KCTD16: variants seen among roughly 807,000 people sequenced by gnomAD.
KCTD16 encodes potassium channel tetramerization domain containing 16.
A neutral mutation model predicts 33.2 loss-of-function variants in KCTD16; 13 were observed. That is an observed-to-expected ratio of 0.39 (90% CI 0.25 to 0.62). The LOEUF (loss-of-function observed/expected upper bound fraction) is 0.62. Among genes scored for constraint, KCTD16 ranks in the 20% least tolerant of loss-of-function variants. The pLI is 0.50. For synonymous variants in KCTD16, 197 were observed against 195.3 expected, an observed-to-expected ratio of 1.01 and a Z score of -0.07; for missense variants, 441 against 525.1, an observed-to-expected ratio of 0.84 and a Z score of 1.57.
At chr5:144,232,062 A>G (rs1292285075) in intron 3 of KCTD16, among the ~76,000 whole-genome samples, 3 of 152,136 alleles carry the variant, frequency 2.0e-5, no homozygotes, top group Admixed American at 2.0e-4. Flanking sequence ...ATTCTATAAT[A>G]TACCTTTGCC....
intron 3 of KCTD16, among the ~76,000 whole-genome samples, chr5:144,389,264 G>A (rs1234899325): frequency 6.6e-6 from 1 of 152,158 alleles, no homozygotes; most frequent in Admixed American, 6.5e-5. Flanking sequence ...TAGGAACTGG[G>A]CCACACAGCA....
rs913978229 is a variant in KCTD16, at chr5:144,450,942, C to T, written c.833-22718C>T. Among the ~76,000 whole-genome samples, 8 of 151,774 alleles carry T rather than the reference C, an allele frequency of 5.3e-5. No individual in the cohort carries two copies. In the East Asian group the frequency reaches 1.6e-3, roughly 30 times the overall value. ...AAACATTTGTTAAGGGGGTAGATCTCATGTTAAGTATTTTTATTGCAAAAA... is the reference window on the plus strand; with the variant it reads ...AAACATTTGTTAAGGGGGTAGATCTTATGTTAAGTATTTTTATTGCAAAAA... On this transcript the variant is annotated intron_variant, in intron 3 of 3. Transcript: ENST00000512467.
Position 144,475,646 on chromosome 5 carries a change from A to G in KCTD16, c.*1532A>G, listed in dbSNP as rs1415550026. 6.6e-6 allele frequency: 1 copy of G among 152,358 alleles called. No individual in the cohort carries two copies. The highest frequency in any genetic ancestry group is 1.5e-5 in the Non-Finnish European group (1 of 67,960). The allele number at this position is 152,358 out of a possible 1,614,324, so 9.4% of individuals were successfully genotyped here. A position where few individuals can be genotyped will look rare whatever the true frequency, so the allele number is the denominator to read the frequency against. ...GTCAATTAATAGTTGTGTGCCAAGC[A>G]CTCCTAATTTGTTTTATTGCGTGTG... On this transcript the variant is annotated 3_prime_UTR_variant, in exon 4 of 4. Transcript: ENST00000512467.
intron 2 of KCTD16, among the ~76,000 whole-genome samples, chr5:144,201,813 C>T (rs1294847434): frequency 1.3e-5 from 2 of 152,170 alleles, no homozygotes; most frequent in Non-Finnish European, 2.9e-5. Context: ...GCACATAACA[C>T]GATGAGTGTG....
At chr5:144,368,135 T>A (rs1451781144) in intron 3 of KCTD16, among the ~76,000 whole-genome samples, 1 of 151,638 alleles carries the variant, frequency 6.6e-6, no homozygotes, top group Non-Finnish European at 1.5e-5. Context: ...TAAGCGAGAG[T>A]AACTCCTGCA....
At chr5:144,447,990 T>C (rs1382262128) in intron 3 of KCTD16, among the ~76,000 whole-genome samples, 1 of 152,086 alleles carries the variant, frequency 6.6e-6, no homozygotes. Flanking sequence ...TTTCAGTGTT[T>C]AAGGACCACT....
intron 3 of KCTD16, among the ~76,000 whole-genome samples, chr5:144,426,494 C>G (rs1348752849): frequency 6.6e-6 from 1 of 152,068 alleles, no homozygotes; most frequent in East Asian, 1.9e-4. Flanking sequence ...TGCCCATTAC[C>G]CAGTTCCAAA....
intron 3 of KCTD16, among the ~76,000 whole-genome samples, chr5:144,467,055 CTATATG>C (rs1754357103): frequency 3.7e-5 from 2 of 54,316 alleles, no homozygotes. Context: ...ATATATAACA[CTATATG>C]TATTATATAT....
intron 3 of KCTD16, among the ~76,000 whole-genome samples, chr5:144,246,654 A>G (rs924601915): frequency 5.9e-5 from 9 of 152,240 alleles, no homozygotes; most frequent in Non-Finnish European, 8.8e-5. Flanking sequence ...ATAATTTAAC[A>G]TTGACAAGGT....
chr5:144,320,198 A>G (rs928907395), intron 3 of KCTD16, among the ~76,000 whole-genome samples: 6 of 152,240 alleles, frequency 3.9e-5, no homozygotes, highest in Admixed American at 3.9e-4. Context: ...TCCTGCAATT[A>G]TAATCTTTTA....
At chr5:144,247,358 G>A (rs570924849) in intron 3 of KCTD16, among the ~76,000 whole-genome samples, 37 of 152,304 alleles carry the variant, frequency 2.4e-4, no homozygotes, top group African/African-American at 7.2e-4. Context: ...CAGGCACACA[G>A]AGAGACTACT....
At chr5:144,216,113 A>G (rs1359196985) in intron 3 of KCTD16, among the ~76,000 whole-genome samples, 1 of 152,258 alleles carries the variant, frequency 6.6e-6, no homozygotes, top group East Asian at 1.9e-4. Context: ...CTTAAATTGT[A>G]TATCTGATCA....
intron 3 of KCTD16, among the ~76,000 whole-genome samples, chr5:144,456,483 AG>A (rs1239601633): frequency 2.6e-5 from 4 of 152,090 alleles, no homozygotes; most frequent in Non-Finnish European, 4.4e-5. Context: ...AGACGCACAC[AG>A]GGGGGTCAGG....
intron 3 of KCTD16, among the ~76,000 whole-genome samples, chr5:144,294,448 C>T (rs1755981053): frequency 6.6e-6 from 1 of 151,978 alleles, no homozygotes; most frequent in African/African-American, 2.4e-5. Context: ...CTCATGTTCC[C>T]AGATACTCTC....
chr5:144,402,819 T>C (rs1752732151), intron 3 of KCTD16, among the ~76,000 whole-genome samples: 1 of 152,244 alleles, frequency 6.6e-6, no homozygotes, highest in Admixed American at 6.5e-5. Context: ...ATTCATTTTC[T>C]ACTGCTACTG....
At chr5:144,207,895 G>GACAAAC (rs1753238413) in intron 3 of KCTD16, among the ~76,000 whole-genome samples, 1 of 152,234 alleles carries the variant, frequency 6.6e-6, no homozygotes, top group South Asian at 2.1e-4. Context: ...TTGTCCACAG[G>GACAAAC]AGCTTGGTAT....
intron 3 of KCTD16, among the ~76,000 whole-genome samples, chr5:144,281,073 T>C (rs1235038997): frequency 2.7e-5 from 4 of 149,618 alleles, no homozygotes; most frequent in African/African-American, 1.0e-4. Flanking sequence ...TTCCAGCTAC[T>C]CGGGAGGCTG....
intron 3 of KCTD16, among the ~76,000 whole-genome samples, chr5:144,310,593 G>GAT (rs1355844338): frequency 1.0e-4 from 15 of 149,460 alleles, no homozygotes; most frequent in African/African-American, 2.2e-4. Context: ...TATTTTTTTT[G>GAT]ATATATATAT....
At chr5:144,316,161 A>C (rs1156354819) in intron 3 of KCTD16, among the ~76,000 whole-genome samples, 3 of 152,184 alleles carry the variant, frequency 2.0e-5, no homozygotes, top group Non-Finnish European at 2.9e-5. Flanking sequence ...TTTGGGGTCA[A>C]AATCCACAGA....
Sources: gnomAD v4.1 joint callset for allele counts (sites outside exome capture counted in the v4.1 genomes callset) on GRCh38, gnomAD v4.1.1 for gene constraint, MANE v1.5 for transcripts, NCBI Gene and HGNC (gene_info 2026-07-23, HGNC 2026-07-21) for gene names.